Variants in SHISA9 observed in about 807,000 individuals in gnomAD.
SHISA9 encodes the protein protein shisa-9.
A neutral mutation model predicts 38.0 loss-of-function variants in SHISA9; 13 were observed. The ratio of observed to expected loss-of-function variants is 0.34; its 90% CI spans 0.22 to 0.54. The LOEUF (loss-of-function observed/expected upper bound fraction) is 0.54. Among genes scored for constraint, SHISA9 ranks in the 20% least tolerant of loss-of-function variants. The pLI is 0.91. For synonymous variants in SHISA9, 275 were observed against 242.0 expected (o/e 1.14, Z -1.27); for missense variants, 538 against 575.8 (o/e 0.93, Z 0.67).
At chr16:13,029,814 T>G (rs1182203007) in intron 2 of SHISA9, among the ~76,000 whole-genome samples, 2 of 152,224 alleles carry the variant, frequency 1.3e-5, no homozygotes, top group Admixed American at 1.3e-4. Flanking sequence ...CACATCCATC[T>G]CGTCACTTTT....
chr16:13,307,923 G>T, the SHISA9 span, among the ~76,000 whole-genome samples: 1 of 152,282 alleles, frequency 6.6e-6, no homozygotes, highest in South Asian at 2.1e-4. Flanking sequence ...CCAGCAATTA[G>T]TGTTGGATTT....
chr16:13,456,773 T>C, the SHISA9 span, among the ~76,000 whole-genome samples: 6 of 152,228 alleles, frequency 3.9e-5, no homozygotes, highest in Non-Finnish European at 5.9e-5. Flanking sequence ...ATTCAGGCAA[T>C]GTGTGATCAA....
At chr16:13,543,088 T>G in the SHISA9 span, among the ~76,000 whole-genome samples, 1 of 152,194 alleles carries the variant, frequency 6.6e-6, no homozygotes, top group Non-Finnish European at 1.5e-5. Flanking sequence ...AGCACCTACA[T>G]TCTGCCAGGT....
At chr16:12,930,861 C>G (rs1328024755) in intron 2 of SHISA9, among the ~76,000 whole-genome samples, 1 of 151,898 alleles carries the variant, frequency 6.6e-6, no homozygotes, top group Non-Finnish European at 1.5e-5. Context: ...GGAAAAAAAC[C>G]CATAACAACT....
chr16:13,003,149 C>T (rs978590647), intron 2 of SHISA9, among the ~76,000 whole-genome samples: 18 of 152,018 alleles, frequency 1.2e-4, no homozygotes, highest in Admixed American at 3.9e-4. Context: ...TGACACAGAG[C>T]GAGAGGAGGA....
intron 2 of SHISA9, among the ~76,000 whole-genome samples, chr16:13,099,182 G>A (rs1254936898): frequency 6.6e-6 from 1 of 152,178 alleles, no homozygotes; most frequent in African/African-American, 2.4e-5. Context: ...TACAACAGAA[G>A]TGAGTAGTTG....
intron 2 of SHISA9, among the ~76,000 whole-genome samples, chr16:13,126,093 T>C (rs1335888992): frequency 6.6e-6 from 1 of 152,244 alleles, no homozygotes; most frequent in Non-Finnish European, 1.5e-5. Flanking sequence ...GGCAATCCCT[T>C]AGTTTCTTAT....
chr16:13,113,209 CAAAAA>C (rs35316820), intron 2 of SHISA9, among the ~76,000 whole-genome samples: 2 of 65,260 alleles, frequency 3.1e-5, no homozygotes, highest in Non-Finnish European at 5.7e-5. Flanking sequence ...GACTCCATCT[CAAAAA>C]AAAAAAAAAA....
rs1488817229 is a variant in SHISA9, at chr16:13,235,287, A to G, written c.1153A>G (p.Asn385Asp). The G allele has an allele frequency of 6.4e-7, 1 of 1,551,428 alleles. No homozygotes were observed. Among genetic ancestry groups the G allele is most frequent in the Non-Finnish European group, 8.7e-7 (1 of 1,147,022 alleles). ...GTCCCTCCGGCGGCAGGCTTACAGCAACAAGGGCAAGCTTGGCACGGCCGA... is the reference window on the plus strand; with the variant it reads ...GTCCCTCCGGCGGCAGGCTTACAGCGACAAGGGCAAGCTTGGCACGGCCGA... ...EQSLRRQAYSNKGKLGTAETG... is the reference protein window; with the variant it reads ...EQSLRRQAYSDKGKLGTAETG... The change falls in exon 5 of 5, where the codon AAC becomes GAC. Residue 385 changes from asparagine to aspartate, a missense_variant. This residue lies in a region of SHISA9 where 326 missense variants were observed against 305.9 expected (regional missense o/e 1.07). Coordinates refer to ENST00000558583, the MANE Select transcript of SHISA9 (RefSeq NM_001145204.3).
rs368382794 is a variant in SHISA9, at chr16:13,054,450, C to T, written c.691+137635C>T. 8.5e-5 allele frequency among the ~76,000 whole-genome samples: 13 copies of T among 152,242 alleles called. No individual in the cohort carries two copies. In the East Asian group the frequency reaches 2.1e-3, roughly 25 times the overall value. ...GATGACTGTTCTATTTTGAACTCCC[C>T]GATATTTCTAGGAACCAAGAAGTCT... On this transcript the variant is annotated intron_variant, in intron 2 of 4. Coordinates refer to ENST00000558583, the MANE Select transcript of SHISA9 (RefSeq NM_001145204.3).
At chr16:13,533,814 C>A in the SHISA9 span, among the ~76,000 whole-genome samples, 1 of 142,776 alleles carries the variant, frequency 7.0e-6, no homozygotes, top group African/African-American at 2.7e-5. Context: ...GACAGAGTCT[C>A]GCTGTATCGC....
At chr16:13,099,832 A>T (rs1596647889) in intron 2 of SHISA9, among the ~76,000 whole-genome samples, 1 of 152,224 alleles carries the variant, frequency 6.6e-6, no homozygotes, top group Admixed American at 6.5e-5. Context: ...TAATGTGATC[A>T]GAGTTATACT....
chr16:13,541,663 A>T, the SHISA9 span, among the ~76,000 whole-genome samples: 5 of 152,200 alleles, frequency 3.3e-5, no homozygotes, highest in Non-Finnish European at 5.9e-5. Flanking sequence ...GAACACACTC[A>T]GGGGTGGGGT....
intron 2 of SHISA9, among the ~76,000 whole-genome samples, chr16:12,970,946 C>T (rs1659362450): frequency 1.3e-5 from 2 of 152,130 alleles, no homozygotes; most frequent in African/African-American, 4.8e-5. Flanking sequence ...ACATGGGAGG[C>T]ACTCGCAAAG....
chr16:13,225,429 C>T (rs1274215393), intron 4 of SHISA9, among the ~76,000 whole-genome samples: 4 of 152,144 alleles, frequency 2.6e-5, no homozygotes, highest in African/African-American at 9.7e-5. Flanking sequence ...AGCTAGAGTC[C>T]ACGTCAAACA....
chr16:13,258,755 A>C, the SHISA9 span, among the ~76,000 whole-genome samples: 1 of 152,216 alleles, frequency 6.6e-6, no homozygotes, highest in Admixed American at 6.5e-5. Context: ...ATCAGATTTC[A>C]TGAGACTTAT....
intron 4 of SHISA9, among the ~76,000 whole-genome samples, chr16:13,213,693 T>A (rs1008542009): frequency 6.6e-6 from 1 of 152,092 alleles, no homozygotes; most frequent in African/African-American, 2.4e-5. Flanking sequence ...AAAAACATAA[T>A]CAAGTTATTG....
chr16:13,001,285 C>G (rs72782693), intron 2 of SHISA9, among the ~76,000 whole-genome samples: 29,390 of 152,112 alleles, frequency 0.19, 3,618 homozygotes, highest in Middle Eastern at 0.33. Context: ...GACTCCAGAT[C>G]GCCACAATAA....
the SHISA9 span, among the ~76,000 whole-genome samples, chr16:13,345,308 C>T: frequency 6.6e-6 from 1 of 152,256 alleles, no homozygotes; most frequent in Middle Eastern, 3.4e-3. Context: ...CCTCTGTGTT[C>T]ATGTGTTCTC....
Sources: gnomAD v4.1 joint callset for allele counts (sites outside exome capture counted in the v4.1 genomes callset) on GRCh38, gnomAD v4.1.1 for gene constraint, gnomAD v4.1.1 regional missense constraint, MANE v1.5 for transcripts, NCBI Gene and HGNC (gene_info 2026-07-23, HGNC 2026-07-21) for gene names.